Variants in ZNF469 observed in about 807,000 individuals in gnomAD.
ZNF469 encodes the protein zinc finger protein 469.
ZNF469 carries 1 observed loss-of-function variant against 1.0 expected under a neutral mutation model. That is an observed-to-expected ratio of 1.00 (90% confidence interval 0.35 to 4.73). ZNF469 has a LOEUF of 4.73. ZNF469 is among the 30% of genes most tolerant of loss of function. The pLI, the probability that ZNF469 is intolerant of heterozygous loss-of-function variation, is 0.16. For synonymous variants in ZNF469, 2,703 were observed against 2,363.4 expected (o/e 1.14, Z -4.17); for missense variants, 6,100 against 5,356.3 (o/e 1.14, Z -4.33).
chr16:88,186,106 A>G, the ZNF469 span, among the ~76,000 whole-genome samples: 3 of 152,294 alleles, frequency 2.0e-5, no homozygotes, highest in East Asian at 5.8e-4. Flanking sequence ...CCGACACCGG[A>G]GGCTGCTGCT....
the ZNF469 span, among the ~76,000 whole-genome samples, chr16:88,291,572 T>C: frequency 6.6e-6 from 1 of 152,108 alleles, no homozygotes; most frequent in Non-Finnish European, 1.5e-5. Flanking sequence ...TTCCAGGTAA[T>C]AAGGAACAGT....
At chr16:88,152,717 T>C in the ZNF469 span, among the ~76,000 whole-genome samples, 12 of 152,278 alleles carry the variant, frequency 7.9e-5, no homozygotes, top group South Asian at 2.5e-3. The surrounding 1 kb of genome is among the most constrained non-coding windows in gnomAD (Gnocchi z 4.2). Flanking sequence ...GGTAAATCAC[T>C]TCCCTCTCTT....
chr16:88,303,039 G>A, the ZNF469 span, among the ~76,000 whole-genome samples: 5 of 152,310 alleles, frequency 3.3e-5, no homozygotes, highest in Non-Finnish European at 5.9e-5. Context: ...CCTTTCAGAG[G>A]TTGGGTCCCT....
At chr16:88,309,876 AACAACCC>A in the ZNF469 span, among the ~76,000 whole-genome samples, 3 of 152,218 alleles carry the variant, frequency 2.0e-5, no homozygotes, top group African/African-American at 7.2e-5. Flanking sequence ...TTAAGGCAGA[AACAACCC>A]ACGTGGCAGG....
the ZNF469 span, among the ~76,000 whole-genome samples, chr16:88,229,057 C>G: frequency 1.3e-5 from 2 of 152,212 alleles, no homozygotes; most frequent in East Asian, 1.9e-4. Context: ...AACCCATCAC[C>G]TCCCCGGGAC....
the ZNF469 span, among the ~76,000 whole-genome samples, chr16:88,104,854 C>G: frequency 6.6e-6 from 1 of 152,138 alleles, no homozygotes; most frequent in Non-Finnish European, 1.5e-5. Context: ...TTCAGGCCTG[C>G]GTTTCACTAT....
At chr16:88,219,173 C>T in the ZNF469 span, among the ~76,000 whole-genome samples, 29 of 147,708 alleles carry the variant, frequency 2.0e-4, no homozygotes, top group East Asian at 2.6e-3. Flanking sequence ...GAATCAATAT[C>T]GTGAAAATGG....
chr16:88,170,219 G>A, the ZNF469 span, among the ~76,000 whole-genome samples: 132 of 152,158 alleles, frequency 8.7e-4, 1 homozygote, highest in Non-Finnish European at 2.8e-4. The surrounding 1 kb of genome is among the most constrained non-coding windows in gnomAD (Gnocchi z 4.2). Context: ...TTTGATGTGC[G>A]TATACACTGC....
the ZNF469 span, among the ~76,000 whole-genome samples, chr16:88,148,694 C>T: frequency 6.6e-6 from 1 of 152,184 alleles, no homozygotes; most frequent in Non-Finnish European, 1.5e-5. Context: ...GGCTTGGCAA[C>T]CCTGTCTCAG....
At chr16:88,144,749 A>G in the ZNF469 span, among the ~76,000 whole-genome samples, 1 of 152,172 alleles carries the variant, frequency 6.6e-6, no homozygotes, top group East Asian at 1.9e-4. Context: ...GAGAAGTTCA[A>G]CTTGTTGGGT....
chr16:88,248,314 A>C, the ZNF469 span, among the ~76,000 whole-genome samples: 1 of 152,258 alleles, frequency 6.6e-6, no homozygotes, highest in South Asian at 2.1e-4. Context: ...AGCGTGAAAA[A>C]GGCGGTCAAA....
At chr16:88,190,337 C>G in the ZNF469 span, among the ~76,000 whole-genome samples, 1 of 152,236 alleles carries the variant, frequency 6.6e-6, no homozygotes, top group Non-Finnish European at 1.5e-5. Context: ...AGTGGCTGAA[C>G]CAGAGGTGAC....
chr16:88,384,588 T>C (rs987033733), intron 1 of ZNF469, among the ~76,000 whole-genome samples: 1 of 151,778 alleles, frequency 6.6e-6, no homozygotes, highest in Non-Finnish European at 1.5e-5. Flanking sequence ...CACCGGGAGG[T>C]GATCATTCTG....
At chr16:88,208,813 T>A in the ZNF469 span, among the ~76,000 whole-genome samples, 60,311 of 134,384 alleles carry the variant, frequency 0.45, 14,176 homozygotes, top group South Asian at 0.54. Flanking sequence ...ACTCTCTCTC[T>A]CTCTCTCTCT....
the ZNF469 span, among the ~76,000 whole-genome samples, chr16:88,169,809 C>T: frequency 1.3e-5 from 2 of 152,324 alleles, no homozygotes; most frequent in East Asian, 1.9e-4. The surrounding 1 kb of genome is among the most constrained non-coding windows in gnomAD (Gnocchi z 6.1). Context: ...TGCCACGCTC[C>T]CACCAGCGGT....
At chr16:88,313,596 ATC>A in the ZNF469 span, among the ~76,000 whole-genome samples, 1 of 150,936 alleles carries the variant, frequency 6.6e-6, no homozygotes, top group Non-Finnish European at 1.5e-5. Context: ...TGTGGACTCT[ATC>A]TCTGTAATTA....
At chr16:88,265,608 G>C in the ZNF469 span, among the ~76,000 whole-genome samples, 43 of 152,328 alleles carry the variant, frequency 2.8e-4, no homozygotes, top group African/African-American at 8.9e-4. Context: ...ACACCGTGTG[G>C]CTGGGGACCG....
At chr16:88,299,102 A>C in the ZNF469 span, among the ~76,000 whole-genome samples, 1 of 134,496 alleles carries the variant, frequency 7.4e-6, no homozygotes, top group Non-Finnish European at 1.6e-5. Context: ...TTCCTGGAGG[A>C]GGCAGCTTGG....
the ZNF469 span, among the ~76,000 whole-genome samples, chr16:88,285,568 C>T: frequency 7.9e-5 from 12 of 152,272 alleles, no homozygotes; most frequent in African/African-American, 1.2e-4. Flanking sequence ...GCACCCAGGA[C>T]CCGAGGCCCA....
Sources: gnomAD v4.1 joint callset for allele counts (sites outside exome capture counted in the v4.1 genomes callset) on GRCh38, gnomAD v4.1.1 for gene constraint, Gnocchi (gnomAD v3.1) non-coding constraint, MANE v1.5 for transcripts, NCBI Gene and HGNC (gene_info 2026-07-23, HGNC 2026-07-21) for gene names.